Variants in OPHN1 observed in about 807,000 individuals in gnomAD.
The protein encoded by OPHN1 is oligophrenin 1, also known as oligophrenin-1.
Under a neutral mutation model 60.7 loss-of-function variants are expected in OPHN1, and 11 were observed. The ratio of observed to expected loss-of-function variants is 0.18; its 90% CI spans 0.11 to 0.30. OPHN1 has a LOEUF of 0.30. Ranked by LOEUF, OPHN1 falls within the 10% of genes least tolerant of loss-of-function variation. The probability of loss-of-function intolerance (pLI) is 1.00; values close to 1 mark genes in which losing one functional copy is unlikely to be tolerated. For synonymous variants in OPHN1, 226 were observed against 222.6 expected, an observed-to-expected ratio of 1.02 and a Z score of -0.14; for missense variants, 449 against 611.0, an observed-to-expected ratio of 0.73 and a Z score of 2.80.
chrX:68,414,169 C>T lies in OPHN1; in HGVS notation c.154+18698G>A, dbSNP rs1379499996. On this transcript the variant is annotated intron_variant, in intron 2 of 24. Coordinates refer to ENST00000355520, the MANE Select transcript of OPHN1 (RefSeq NM_002547.3). ...CTAAAGATTGTTCCCTTTCTCAGTGCCAGTAGAACCACAATGATATAACAT... is the reference window on the plus strand; with the variant it reads ...CTAAAGATTGTTCCCTTTCTCAGTGTCAGTAGAACCACAATGATATAACAT... 7.2e-5 allele frequency among the ~76,000 whole-genome samples: 8 copies of T among 111,775 alleles called. No individual in the cohort carries two copies. The East Asian group carries it at 2.0e-3, about 27-fold the overall frequency.
chrX:68,369,024 C>T (rs141291511), intron 2 of OPHN1, among the ~76,000 whole-genome samples: 541 of 111,226 alleles, frequency 4.9e-3, no homozygotes, highest in Middle Eastern at 0.014. Context: ...CTGGCCAACA[C>T]AGTGAAACCC....
intron 20 of OPHN1, chrX:68,071,691 T>TTGAA (rs965797013): frequency 5.7e-6 from 3 of 525,062 alleles, no homozygotes; most frequent in Non-Finnish European, 1.0e-5. Flanking sequence ...CACAGGAACA[T>TTGAA]TGAAGTCCAC....
At position 68,350,437 on chromosome X, in the gene OPHN1, TC is replaced by T. The variant is rs1404270810; in HGVS notation, c.155-51342del. ...TTTCTCTCTCCCCTCCCTCCCTCTCTCCCTCCCTCTCTCCCTCCCTTCCTTC... is the reference window on the plus strand; with the variant it reads ...TTTCTCTCTCCCCTCCCTCCCTCTCTCCTCCCTCTCTCCCTCCCTTCCTTC... On this transcript the variant is annotated intron_variant, in intron 2 of 24. Transcript: ENST00000355520. 1.0e-4 allele frequency among the ~76,000 whole-genome samples: 8 copies of T among 78,524 alleles called. No homozygotes were observed. The East Asian group carries it at 1.9e-3, about 18-fold the overall frequency. The allele number at this position is 78,524 out of a possible 115,157, so 68.2% of individuals were successfully genotyped here.
intron 5 of OPHN1, among the ~76,000 whole-genome samples, chrX:68,255,520 G>T (rs2077858152): frequency 9.0e-6 from 1 of 111,528 alleles, no homozygotes; most frequent in South Asian, 3.7e-4. Flanking sequence ...GGATATGTGG[G>T]CCTCATCTAA....
At position 68,248,875 on chromosome X, in the gene OPHN1, T is replaced by A. The variant is rs112686624; in HGVS notation, c.385-14287A>T. On this transcript the variant is annotated intron_variant, in intron 5 of 24. Transcript: ENST00000355520. ...ACAAACATCACATGTTCTCACTTAT[T>A]TGTGGGATCTAAAAATCAAAACAAT... 2.7e-5 allele frequency among the ~76,000 whole-genome samples: 3 copies of A among 111,655 alleles called. No individual in the cohort carries two copies. The East Asian group carries it at 8.4e-4, about 31-fold the overall frequency.
At chrX:68,317,964 A>G (rs1000634845) in intron 2 of OPHN1, among the ~76,000 whole-genome samples, 1 of 111,772 alleles carries the variant, frequency 8.9e-6, no homozygotes, top group Non-Finnish European at 1.9e-5. Context: ...CAACGTATCA[A>G]AAGTGTCTCT....
intron 19 of OPHN1, among the ~76,000 whole-genome samples, 193 bp from the exon 20 acceptor site, chrX:68,073,492 T>C (rs905583041): frequency 8.9e-6 from 1 of 111,922 alleles, no homozygotes; most frequent in Non-Finnish European, 1.9e-5. Flanking sequence ...CCTACTATGC[T>C]CAAGGCACAG....
intron 18 of OPHN1, among the ~76,000 whole-genome samples, chrX:68,107,334 A>G (rs1051590256): frequency 1.8e-5 from 2 of 111,663 alleles, no homozygotes; most frequent in African/African-American, 6.5e-5. Flanking sequence ...GACTTTTTGA[A>G]AAGTCCAAGC....
At chrX:68,132,662 C>T (rs2077200610) in intron 15 of OPHN1, among the ~76,000 whole-genome samples, 1 of 91,302 alleles carries the variant, frequency 1.1e-5, no homozygotes, top group Non-Finnish European at 2.1e-5. Flanking sequence ...AACTAACCTG[C>T]ACAATGTGCA....
At chrX:68,151,913 G>A (rs181446721) in intron 15 of OPHN1, among the ~76,000 whole-genome samples, 51 of 111,388 alleles carry the variant, frequency 4.6e-4, no homozygotes, top group Non-Finnish European at 6.4e-4. Flanking sequence ...TTCTGGGGAG[G>A]CCTCAGGAAA....
intron 3 of OPHN1, among the ~76,000 whole-genome samples, chrX:68,290,444 C>T (rs764884434): frequency 9.1e-6 from 1 of 110,257 alleles, no homozygotes; most frequent in Non-Finnish European, 1.9e-5. Context: ...ACCAAAAATA[C>T]AAAAATTAGC....
intron 2 of OPHN1, among the ~76,000 whole-genome samples, chrX:68,328,257 T>C (rs1181141319): frequency 9.4e-6 from 1 of 106,785 alleles, no homozygotes; most frequent in Non-Finnish European, 1.9e-5. Context: ...GCCTCCAGAG[T>C]AGCTGGGACT....
intron 16 of OPHN1, among the ~76,000 whole-genome samples, chrX:68,113,970 T>TA (rs1383769635): frequency 2.4e-4 from 9 of 38,011 alleles, no homozygotes; most frequent in Non-Finnish European, 2.8e-4. Flanking sequence ...ATAATAATAA[T>TA]AAAAAAAAAA....
At chrX:68,372,790 T>A (rs1051634972) in intron 2 of OPHN1, among the ~76,000 whole-genome samples, 1 of 111,466 alleles carries the variant, frequency 9.0e-6, no homozygotes, top group Non-Finnish European at 1.9e-5. Context: ...GATAATGATC[T>A]CTGGTCACAC....
chrX:68,422,087 T>A (rs148392811), intron 2 of OPHN1, among the ~76,000 whole-genome samples: 1 of 111,021 alleles, frequency 9.0e-6, no homozygotes, highest in African/African-American at 3.3e-5. Context: ...TGAGCTAGAT[T>A]GCTCAACAGG....
chrX:68,312,452 G>T (rs529521462), intron 2 of OPHN1, among the ~76,000 whole-genome samples: 2 of 109,558 alleles, frequency 1.8e-5, no homozygotes, highest in South Asian at 7.9e-4. Context: ...AGATAAAATA[G>T]CAAGTATCTT....
intron 2 of OPHN1, among the ~76,000 whole-genome samples, chrX:68,396,410 A>C (rs1339282926): frequency 1.0e-5 from 1 of 96,491 alleles, no homozygotes; most frequent in East Asian, 2.9e-4. Flanking sequence ...AAAAAAAAAA[A>C]AAAAAAAAAA....
Position 68,392,393 on chromosome X carries a change from G to A in OPHN1, c.154+40474C>T, listed in dbSNP as rs942391175. 2.7e-5 allele frequency among the ~76,000 whole-genome samples: 3 copies of A among 111,104 alleles called. No individual in the cohort carries two copies. In the South Asian group the frequency reaches 1.2e-3, roughly 43 times the overall value. On this transcript the variant is annotated intron_variant, in intron 2 of 24. Coordinates refer to ENST00000355520, the MANE Select transcript of OPHN1 (RefSeq NM_002547.3). ...TAAGCTATTAATAGTTAAATTTGGGGGGAGTCAAAAGTTATAAGGAGATTT... is the reference window on the plus strand; with the variant it reads ...TAAGCTATTAATAGTTAAATTTGGGAGGAGTCAAAAGTTATAAGGAGATTT...
intron 21 of OPHN1, among the ~76,000 whole-genome samples, chrX:68,059,275 G>T (rs1457451208): frequency 8.9e-6 from 1 of 111,840 alleles, no homozygotes; most frequent in Non-Finnish European, 1.9e-5. Context: ...AACATTTGCA[G>T]AGTTCTTGGG....
Sources: gnomAD v4.1 joint callset for allele counts (sites outside exome capture counted in the v4.1 genomes callset) on GRCh38, gnomAD v4.1.1 for gene constraint, MANE v1.5 for transcripts, NCBI Gene and HGNC (gene_info 2026-07-23, HGNC 2026-07-21) for gene names.